Variants in OLA1 observed in about 807,000 individuals in gnomAD.
OLA1 encodes Obg like ATPase 1.
In OLA1, 14 loss-of-function variants were observed where a neutral mutation model predicts 48.4. That is an observed-to-expected ratio of 0.29 (90% CI 0.19 to 0.45). The LOEUF (loss-of-function observed/expected upper bound fraction) is 0.45. OLA1 is among the 20% of genes least tolerant of loss of function. The pLI is 1.00. For synonymous variants in OLA1, 127 were observed against 150.4 expected (o/e 0.84, Z 1.14); for missense variants, 325 against 467.1 (o/e 0.70, Z 2.80).
chr2:174,209,705 C>T (rs1688200427), intron 4 of OLA1, among the ~76,000 whole-genome samples: 1 of 152,166 alleles, frequency 6.6e-6, no homozygotes, highest in Non-Finnish European at 1.5e-5. Flanking sequence ...TGTTGGTTCA[C>T]TGTCCCCTCC....
Position 174,224,079 on chromosome 2 carries a change from C to T in OLA1, c.246-919G>A, listed in dbSNP as rs1039693300. ...ATTTTTCAGAATGTCAATTTCACTA[C>T]CTGATAAAATACAACATAAAAGTTC... On this transcript the variant is annotated intron_variant, in intron 3 of 10. Transcript: ENST00000284719. Among the ~76,000 whole-genome samples, 3 of 152,154 alleles carry T rather than the reference C, an allele frequency of 2.0e-5. No homozygotes were observed. The East Asian group carries it at 5.8e-4, about 29-fold the overall frequency.
At chr2:174,221,899 C>A (rs1239468705) in intron 4 of OLA1, among the ~76,000 whole-genome samples, 2 of 152,118 alleles carry the variant, frequency 1.3e-5, no homozygotes, top group Non-Finnish European at 2.9e-5. Flanking sequence ...TTAGTTAAAA[C>A]TTCTCTACAA....
At chr2:174,175,488 G>A (rs1233159771) in intron 4 of OLA1, among the ~76,000 whole-genome samples, 2 of 151,814 alleles carry the variant, frequency 1.3e-5, no homozygotes, top group Non-Finnish European at 2.9e-5. Flanking sequence ...ATGAAAAGAT[G>A]GTCATCACTA....
At chr2:174,227,951 T>C (rs1344210636) in intron 3 of OLA1, among the ~76,000 whole-genome samples, 3 of 152,226 alleles carry the variant, frequency 2.0e-5, no homozygotes, top group African/African-American at 7.2e-5. Context: ...CTGATAAGAC[T>C]GGATACGGGG....
At chr2:174,130,606 TG>T (rs963572926) in intron 5 of OLA1, among the ~76,000 whole-genome samples, 2 of 152,190 alleles carry the variant, frequency 1.3e-5, no homozygotes, top group African/African-American at 4.8e-5. Context: ...AGAAGGCAAC[TG>T]TCCCTATGAT....
At chr2:174,227,075 C>T (rs1459787227) in intron 3 of OLA1, among the ~76,000 whole-genome samples, 3 of 151,168 alleles carry the variant, frequency 2.0e-5, no homozygotes, top group African/African-American at 7.3e-5. Flanking sequence ...GCCTGGGCAA[C>T]ACAGTAAGAT....
In OLA1 at chr2:174,085,698, CA is replaced by C. The variant is rs1195245496; in HGVS notation, c.729-3635del. ...TAGCCAGCCTTAAAATTCCAGATGCCAAAACTTGATTTTCCCAGGGTTAGTT... is the reference window on the plus strand; with the variant it reads ...TAGCCAGCCTTAAAATTCCAGATGCCAAACTTGATTTTCCCAGGGTTAGTT... On this transcript the variant is annotated intron_variant, in intron 7 of 10. Transcript: ENST00000284719. Among the ~76,000 whole-genome samples the C allele has an allele frequency of 3.3e-5, 5 of 152,234 alleles. No individual in the cohort carries two copies. In the East Asian group the frequency reaches 9.6e-4, roughly 29 times the overall value.
At chr2:174,234,643 T>C (rs1688805758) in intron 2 of OLA1, among the ~76,000 whole-genome samples, 1 of 152,096 alleles carries the variant, frequency 6.6e-6, no homozygotes, top group Non-Finnish European at 1.5e-5. Context: ...TCTGTATTTT[T>C]TGTAGAGACA....
intron 7 of OLA1, among the ~76,000 whole-genome samples, chr2:174,117,978 C>T (rs1685823447): frequency 6.6e-6 from 1 of 152,130 alleles, no homozygotes; most frequent in Admixed American, 6.5e-5. Context: ...GTCTAACTGG[C>T]TCACAGTTCT....
In OLA1 at chr2:174,100,960, A is replaced by C. The variant is rs184890841; in HGVS notation, c.729-18896T>G. ...TGTGAGCTGTTTCCAGTTTTGAACT[A>C]TCATGAATAAGGCTGCTACTCTGTG... On this transcript the variant is annotated intron_variant, in intron 7 of 10. Transcript: ENST00000284719. Among the ~76,000 whole-genome samples, 11 of 152,334 alleles carry C rather than the reference A, an allele frequency of 7.2e-5. No homozygotes were observed. The East Asian group carries it at 2.1e-3, about 29-fold the overall frequency.
intron 4 of OLA1, among the ~76,000 whole-genome samples, chr2:174,171,142 A>G (rs1402434611): frequency 6.6e-6 from 1 of 152,250 alleles, no homozygotes; most frequent in Non-Finnish European, 1.5e-5. Context: ...GCCAAAATCA[A>G]CAGAAGTAAA....
chr2:174,153,904 T>TTG (rs1686806810), intron 4 of OLA1, among the ~76,000 whole-genome samples: 1 of 152,214 alleles, frequency 6.6e-6, no homozygotes, highest in Non-Finnish European at 1.5e-5. Context: ...TCTTGTTCTG[T>TTG]TGCCCAGGCT....
intron 5 of OLA1, among the ~76,000 whole-genome samples, chr2:174,135,469 T>C (rs1686289683): frequency 1.3e-5 from 2 of 151,992 alleles, no homozygotes; most frequent in African/African-American, 4.8e-5. Context: ...ACTGCAAAAA[T>C]AAATTAAGCA....
At chr2:174,092,897 A>G (rs1029217887) in intron 7 of OLA1, among the ~76,000 whole-genome samples, 1 of 152,136 alleles carries the variant, frequency 6.6e-6, no homozygotes. Context: ...TTCCCAGGTT[A>G]TATCTGTTGC....
chr2:174,117,500 G>A (rs1458651316), intron 7 of OLA1, among the ~76,000 whole-genome samples: 4 of 151,998 alleles, frequency 2.6e-5, no homozygotes, highest in Non-Finnish European at 4.4e-5. Flanking sequence ...TTTAGGATTC[G>A]TTTTCTTTAT....
Position 174,134,712 on chromosome 2 carries a change from T to TA in OLA1, c.549+7112_549+7113insT, listed in dbSNP as rs60613548. On this transcript the variant is annotated intron_variant, in intron 5 of 10. Coordinates refer to ENST00000284719, the MANE Select transcript of OLA1 (RefSeq NM_013341.5). The stretch of plus-strand genomic sequence containing the variant: ...TTCTGAAAACATATAGGGGTAATGG[T>TA]TGTACAATATTATAAATGTACTTAA... Among the ~76,000 whole-genome samples, 828 of 152,344 alleles carry TA rather than the reference T, an allele frequency of 5.4e-3. 5 individuals carry two copies. The highest frequency in any genetic ancestry group is 0.019 in the African/African-American group (783 of 41,570).
At chr2:174,144,942 AAAAAAAAAAATATATATATATATATAT>A (rs1686548431) in intron 4 of OLA1, among the ~76,000 whole-genome samples, 1 of 75,834 alleles carries the variant, frequency 1.3e-5, no homozygotes, top group African/African-American at 4.2e-5. Context: ...AAAAAAAAAA[AAAAAAAAAAATATATATATATATATAT>A]ATATATATAT....
At chr2:174,221,684 T>C (rs1397172691) in intron 4 of OLA1, among the ~76,000 whole-genome samples, 1 of 152,160 alleles carries the variant, frequency 6.6e-6, no homozygotes, top group Non-Finnish European at 1.5e-5. Flanking sequence ...TGTCCCAAAC[T>C]GAACTCATCA....
intron 4 of OLA1, among the ~76,000 whole-genome samples, chr2:174,192,782 T>C (rs750640359): frequency 1.5e-4 from 23 of 152,218 alleles, no homozygotes; most frequent in Non-Finnish European, 2.2e-4. Flanking sequence ...GCTGAGTTTT[T>C]TTCTTTCAGC....
Sources: allele counts gnomAD v4.1 joint callset (sites outside exome capture counted in the v4.1 genomes callset), GRCh38; gene constraint gnomAD v4.1.1; transcripts MANE v1.5; gene names NCBI Gene and HGNC (gene_info 2026-07-23, HGNC 2026-07-21).